Variants in TEC observed in about 807,000 individuals in gnomAD.
The protein encoded by TEC is tec protein tyrosine kinase.
TEC carries 72 observed loss-of-function variants against 93.0 expected under a neutral mutation model. The ratio of observed to expected loss-of-function variants is 0.77; its 90% CI spans 0.64 to 0.94. TEC has a LOEUF of 0.94. Among genes scored for constraint, TEC ranks in the 40% least tolerant of loss-of-function variants. The probability of loss-of-function intolerance (pLI) is 0.00; values close to 1 mark genes in which losing one functional copy is unlikely to be tolerated. For synonymous variants in TEC, 249 were observed against 247.7 expected, an observed-to-expected ratio of 1.01 and a Z score of -0.05; for missense variants, 630 against 757.9, an observed-to-expected ratio of 0.83 and a Z score of 1.98.
intron 2 of TEC, among the ~76,000 whole-genome samples, chr4:48,177,761 G>A (rs1721388758): frequency 6.6e-6 from 1 of 152,198 alleles, no homozygotes; most frequent in Non-Finnish European, 1.5e-5. Context: ...AGTGGGAGGT[G>A]ATTGGATCAT....
intron 2 of TEC, among the ~76,000 whole-genome samples, chr4:48,208,417 C>G (rs1166432497): frequency 6.6e-6 from 1 of 152,168 alleles, no homozygotes; most frequent in Non-Finnish European, 1.5e-5. Context: ...TCTCCCATCT[C>G]AAAACCCTCC....
chr4:48,245,295 G>A (rs1384786530), intron 1 of TEC, among the ~76,000 whole-genome samples: 8 of 145,364 alleles, frequency 5.5e-5, no homozygotes, highest in African/African-American at 1.0e-4. Context: ...CCTTCTCCAG[G>A]AAAAAAAAAA....
At position 48,137,170 on chromosome 4, in the gene TEC, A is replaced by T; in HGVS notation, c.*246T>A. 2.0e-6 allele frequency: 1 copy of T among 498,190 alleles called. No individual in the cohort carries two copies. Among genetic ancestry groups the T allele is most frequent in the Non-Finnish European group, 3.6e-6 (1 of 279,232 alleles). 30.9% of individuals were successfully genotyped at this position (498,190 alleles called of 1,614,324 possible). On this transcript the variant is annotated 3_prime_UTR_variant, in exon 18 of 18. Transcript: ENST00000381501. The stretch of plus-strand genomic sequence containing the variant: ...AGTGCCTGGTAAACAACTGTCACTC[A>T]AGTGCCTGAGGAATGAATAGAAATG...
chr4:48,262,885 TG>T (rs2109680435), intron 1 of TEC, among the ~76,000 whole-genome samples: 2 of 152,356 alleles, frequency 1.3e-5, no homozygotes, highest in South Asian at 4.1e-4. Context: ...GTATTGCCAA[TG>T]CATAGCTGCC....
intron 1 of TEC, among the ~76,000 whole-genome samples, chr4:48,260,989 T>C (rs1724484570): frequency 6.6e-6 from 1 of 150,542 alleles, no homozygotes; most frequent in African/African-American, 2.4e-5. Flanking sequence ...AAAATGACAA[T>C]TTTTTTTTAC....
intron 2 of TEC, among the ~76,000 whole-genome samples, chr4:48,212,306 A>G (rs1193636901): frequency 6.6e-6 from 1 of 152,062 alleles, no homozygotes. Flanking sequence ...TTTGTTATCT[A>G]TACAGCCAAA....
At chr4:48,215,469 T>A (rs1464887180) in intron 2 of TEC, among the ~76,000 whole-genome samples, 2 of 152,248 alleles carry the variant, frequency 1.3e-5, no homozygotes, top group Non-Finnish European at 2.9e-5. Context: ...ATTGCGCCAC[T>A]GTACTCCAGT....
intron 2 of TEC, among the ~76,000 whole-genome samples, chr4:48,177,278 A>G (rs1416196244): frequency 6.6e-6 from 1 of 152,270 alleles, no homozygotes; most frequent in Non-Finnish European, 1.5e-5. Flanking sequence ...AATAATATTA[A>G]CAGATGAATT....
chr4:48,171,959 A>G (rs542124829), intron 3 of TEC, among the ~76,000 whole-genome samples: 2 of 152,332 alleles, frequency 1.3e-5, no homozygotes, highest in Non-Finnish European at 2.9e-5. Context: ...ATGAGAAAAT[A>G]AAGGCCTACC....
chr4:48,160,491 C>T lies in TEC; in HGVS notation c.737+3211G>A, dbSNP rs183970531. On this transcript the variant is annotated intron_variant, in intron 8 of 17. Coordinates refer to ENST00000381501, the MANE Select transcript of TEC (RefSeq NM_003215.3). The stretch of plus-strand genomic sequence containing the variant: ...TCTGTAATGCCAGCACTTTGGGAGG[C>T]CAAGGCCAGTGGATCACTTCAGGTC... Among the ~76,000 whole-genome samples the T allele has an allele frequency of 1.1e-4, 17 of 152,126 alleles. No individual in the cohort carries two copies. The East Asian group carries it at 3.3e-3, about 30-fold the overall frequency.
At chr4:48,265,436 CAT>C (rs1006134156) in intron 1 of TEC, among the ~76,000 whole-genome samples, 3 of 71,224 alleles carry the variant, frequency 4.2e-5, no homozygotes, top group African/African-American at 1.2e-4. Flanking sequence ...TACACACACA[CAT>C]ATATACGTAT....
At chr4:48,208,504 C>T (rs543138014) in intron 2 of TEC, among the ~76,000 whole-genome samples, 63 of 152,248 alleles carry the variant, frequency 4.1e-4, no homozygotes, top group African/African-American at 1.3e-3. Context: ...GGCCTCCTCC[C>T]CTCCCATGCC....
At chr4:48,249,505 T>C (rs1338285645) in intron 1 of TEC, among the ~76,000 whole-genome samples, 5 of 152,232 alleles carry the variant, frequency 3.3e-5, no homozygotes, top group Admixed American at 3.3e-4. Context: ...ACAGCACGTT[T>C]GTAAAATTTT....
At chr4:48,255,895 G>C (rs1724327555) in intron 1 of TEC, among the ~76,000 whole-genome samples, 1 of 152,204 alleles carries the variant, frequency 6.6e-6, no homozygotes, top group East Asian at 1.9e-4. Flanking sequence ...CCATGAAAGA[G>C]AGGGCAAGGT....
chr4:48,236,431 G>A (rs1183390580), intron 1 of TEC, among the ~76,000 whole-genome samples: 1 of 152,006 alleles, frequency 6.6e-6, no homozygotes, highest in Non-Finnish European at 1.5e-5. Context: ...ACAGGCGCCC[G>A]CCACTACGCC....
At chr4:48,209,669 C>T (rs1722831913) in intron 2 of TEC, among the ~76,000 whole-genome samples, 1 of 151,986 alleles carries the variant, frequency 6.6e-6, no homozygotes, top group South Asian at 2.1e-4. Flanking sequence ...ATAATTACAA[C>T]ATATCATGGG....
chr4:48,136,432 G>A lies in TEC; in HGVS notation c.*984C>T, dbSNP rs1445032647. On this transcript the variant is annotated 3_prime_UTR_variant, in exon 18 of 18. Coordinates refer to ENST00000381501, the MANE Select transcript of TEC (RefSeq NM_003215.3). ...GTGAGGTGGGGGCAAACTTTGTTGC[G>A]AAGGTCACCTGATCCTTCTGCCCCA... 2.0e-5 allele frequency: 3 copies of A among 152,222 alleles called. No individual in the cohort carries two copies. Among genetic ancestry groups the A allele is most frequent in the African/African-American group, 4.8e-5 (2 of 41,430 alleles). 9.4% of individuals were successfully genotyped at this position (152,222 alleles called of 1,614,324 possible).
intron 2 of TEC, among the ~76,000 whole-genome samples, chr4:48,203,297 G>A (rs1291742021): frequency 6.6e-6 from 1 of 152,076 alleles, no homozygotes; most frequent in Non-Finnish European, 1.5e-5. Flanking sequence ...CCTGGGAGGT[G>A]GAGGTTGCAG....
chr4:48,182,037 C>G (rs1291334580), intron 2 of TEC, among the ~76,000 whole-genome samples: 1 of 152,028 alleles, frequency 6.6e-6, no homozygotes, highest in Non-Finnish European at 1.5e-5. Flanking sequence ...AATCCCAGCA[C>G]TTTAGGAGGC....
Sources: allele counts gnomAD v4.1 joint callset (sites outside exome capture counted in the v4.1 genomes callset), GRCh38; gene constraint gnomAD v4.1.1; transcripts MANE v1.5; gene names NCBI Gene and HGNC (gene_info 2026-07-23, HGNC 2026-07-21).